Variants in DDX4 observed in about 807,000 individuals in gnomAD.
DDX4 encodes DEAD-box helicase 4.
A neutral mutation model predicts 100.0 loss-of-function variants in DDX4; 25 were observed. That is an observed-to-expected ratio of 0.25 (90% confidence interval 0.18 to 0.35). DDX4 has a LOEUF of 0.35. Ranked by LOEUF, DDX4 falls within the 10% of genes least tolerant of loss-of-function variation. The pLI, the probability that DDX4 is intolerant of heterozygous loss-of-function variation, is 1.00. For synonymous variants in DDX4, 259 were observed against 275.7 expected (o/e 0.94, Z 0.60); for missense variants, 635 against 882.4 (o/e 0.72, Z 3.55).
chr5:55,759,705 G>T (rs779803362), intron 3 of DDX4, among the ~76,000 whole-genome samples: 2 of 152,024 alleles, frequency 1.3e-5, no homozygotes, highest in Non-Finnish European at 2.9e-5. Flanking sequence ...TTTTATGTCT[G>T]TCTGGATAAC....
intron 18 of DDX4, among the ~76,000 whole-genome samples, chr5:55,813,166 T>C (rs1336757525): frequency 6.6e-6 from 1 of 152,038 alleles, no homozygotes; most frequent in East Asian, 1.9e-4. Flanking sequence ...ATGTAAGATA[T>C]TTTGGGAATG....
At chr5:55,804,795 T>C (rs563829859) in intron 18 of DDX4, among the ~76,000 whole-genome samples, 1 of 152,274 alleles carries the variant, frequency 6.6e-6, no homozygotes, top group African/African-American at 2.4e-5. Context: ...AGGATTGACT[T>C]GGCGATGCGG....
chr5:55,783,327 T>A (rs186278065), intron 10 of DDX4, among the ~76,000 whole-genome samples: 7 of 151,848 alleles, frequency 4.6e-5, no homozygotes, highest in African/African-American at 7.2e-5. Context: ...ATTCACAGCC[T>A]ATATGAAGGA....
intron 6 of DDX4, among the ~76,000 whole-genome samples, chr5:55,765,950 G>T (rs575160939): frequency 5.3e-5 from 8 of 151,008 alleles, no homozygotes; most frequent in African/African-American, 1.9e-4. Context: ...GATTACAGGG[G>T]CCCGCCATCA....
At chr5:55,749,963 A>G (rs1210812713) in intron 3 of DDX4, among the ~76,000 whole-genome samples, 1 of 150,622 alleles carries the variant, frequency 6.6e-6, no homozygotes, top group Non-Finnish European at 1.5e-5. Flanking sequence ...TAGAGAATCC[A>G]CAGTTCAGTT....
At chr5:55,799,143 T>C (rs999451249) in intron 18 of DDX4, among the ~76,000 whole-genome samples, 6 of 152,136 alleles carry the variant, frequency 3.9e-5, no homozygotes, top group African/African-American at 4.8e-5. Context: ...TCATAGCTTA[T>C]GGCAGCCTCA....
intron 18 of DDX4, among the ~76,000 whole-genome samples, chr5:55,806,971 G>T (rs957687723): frequency 2.6e-5 from 4 of 152,168 alleles, no homozygotes; most frequent in African/African-American, 4.8e-5. Context: ...CTCTTTGTAG[G>T]TCTCTAAGGA....
chr5:55,811,066 TG>T (rs1173311603), intron 18 of DDX4, among the ~76,000 whole-genome samples: 2 of 151,594 alleles, frequency 1.3e-5, no homozygotes, highest in Non-Finnish European at 2.9e-5. Context: ...ACAGAATCTC[TG>T]CTGTCTAGGC....
chr5:55,803,936 C>T (rs1743512629), intron 18 of DDX4, among the ~76,000 whole-genome samples: 1 of 152,064 alleles, frequency 6.6e-6, no homozygotes, highest in African/African-American at 2.4e-5. Flanking sequence ...ACAGTCCCAC[C>T]AACAGTGTAA....
chr5:55,798,812 A>C (rs895196683), intron 18 of DDX4, among the ~76,000 whole-genome samples: 2 of 152,188 alleles, frequency 1.3e-5, no homozygotes, highest in African/African-American at 4.8e-5. Flanking sequence ...CATTTTAACT[A>C]TTCCACCAGA....
At chr5:55,784,112 A>G (rs1282910255) in intron 10 of DDX4, among the ~76,000 whole-genome samples, 1 of 151,874 alleles carries the variant, frequency 6.6e-6, no homozygotes, top group Admixed American at 6.6e-5. Context: ...TCCTTGTGAT[A>G]GTTTGCTGAG....
rs1347511489 is a variant in DDX4 at position 55,764,333 on chromosome 5, TAAAA to T, written c.334+271_334+274del. ...AACTTAAGAAAATGGGGATAGATAA[TAAAA>T]AGAAGTAGTCAAGAAGTGAAACTTC... On this transcript the variant is annotated intron_variant, in intron 6 of 21. Coordinates refer to ENST00000505374, the MANE Select transcript of DDX4 (RefSeq NM_024415.3). 3.3e-5 allele frequency among the ~76,000 whole-genome samples: 5 copies of T among 152,054 alleles called. No individual in the cohort carries two copies. The East Asian group carries it at 7.7e-4, about 23-fold the overall frequency.
chr5:55,798,062 A>C (rs1743073449), intron 17 of DDX4, among the ~76,000 whole-genome samples: 1 of 152,244 alleles, frequency 6.6e-6, no homozygotes, highest in Non-Finnish European at 1.5e-5. Context: ...TCTCAGGCTT[A>C]CATTTCAGGT....
intron 19 of DDX4, 114 bp from the exon 20 acceptor site, chr5:55,814,787 G>A: frequency 8.1e-7 from 1 of 1,234,076 alleles, no homozygotes. Flanking sequence ...ACTGCGCCCA[G>A]CCAAATGCTG....
intron 18 of DDX4, among the ~76,000 whole-genome samples, 167 bp from the exon 19 acceptor site, chr5:55,813,506 T>A (rs1744232533): frequency 2.0e-5 from 3 of 152,204 alleles, no homozygotes; most frequent in Non-Finnish European, 2.9e-5. Flanking sequence ...GTCTTTGACA[T>A]CCATTCTGGA....
chr5:55,792,757 A>G lies in DDX4; in HGVS notation c.1419A>G (p.Glu473=), dbSNP rs1308148189. Residue 473 remains glutamate, a synonymous_variant, in exon 17 of 22, where the codon GAA becomes GAG. Transcript: ENST00000505374. ...CTTGCCCAGGAATGCCATCAAAGGA[A>G]CAGCGCCAAACCCTTATGTTCAGTG... ...LISCPGMPSK[E]QRQTLMFSAT... The G allele has an allele frequency of 1.3e-6, 2 of 1,599,132 alleles. No individual in the cohort carries two copies. The highest frequency in any genetic ancestry group is 1.3e-5 in the African/African-American group (1 of 74,090).
intron 14 of DDX4, 28 bp downstream of exon 14, chr5:55,786,698 GT>G: frequency 6.3e-7 from 1 of 1,595,540 alleles, no homozygotes; most frequent in Non-Finnish European, 8.6e-7. Context: ...TGTCCAAACT[GT>G]TAGGTTTTTT....
At chr5:55,786,814 T>C (rs1171012280) in intron 14 of DDX4, 144 bp downstream of exon 14, 1 of 667,442 alleles carries the variant, frequency 1.5e-6, no homozygotes, top group Non-Finnish European at 2.6e-6. Context: ...CTTCTGATTT[T>C]TATTAGGATT....
At chr5:55,780,116 A>G (rs748806287) in intron 8 of DDX4, 51 bp downstream of exon 8, 2 of 1,595,270 alleles carry the variant, frequency 1.3e-6, no homozygotes, top group Non-Finnish European at 1.7e-6. Flanking sequence ...TAAAAAGAAA[A>G]TGATTTAAAA....
Sources: allele counts gnomAD v4.1 joint callset (sites outside exome capture counted in the v4.1 genomes callset), GRCh38; gene constraint gnomAD v4.1.1; transcripts MANE v1.5; gene names NCBI Gene and HGNC (gene_info 2026-07-23, HGNC 2026-07-21).